The following NACAD variants were observed in gnomAD, a reference collection of about 807,000 sequenced individuals.
NACAD encodes the protein NAC-alpha domain-containing protein 1.
Under a neutral mutation model 98.9 loss-of-function variants are expected in NACAD, and 47 were observed. That is an observed-to-expected ratio of 0.48 (90% CI 0.38 to 0.61). NACAD has a LOEUF of 0.61. NACAD is among the 20% of genes least tolerant of loss of function. The probability of loss-of-function intolerance (pLI) is 0.00; values close to 1 mark genes in which losing one functional copy is unlikely to be tolerated. For missense variants in NACAD, 1,412 were observed against 1,748.2 expected (o/e 0.81, Z 3.43); for synonymous variants, 696 against 767.2 (o/e 0.91, Z 1.53).
At position 45,084,513 on chromosome 7, in the gene NACAD, G is replaced by A. The variant is rs1426863162; in HGVS notation, c.1667C>T (p.Thr556Ile). ...LPTPQEETSL[T>I]LCPDSPQNLK... ...GTTCTGAGGAGAGTCTGGACACAAT[G>A]TGAGGCTTGTTTCTTCCTGTGGAGT... The change falls in exon 2 of 8, where the codon ACA becomes ATA. Residue 556 changes from threonine to isoleucine, a missense_variant. Around this residue, in one of 5 missense-constraint regions of NACAD, gnomAD observed 638 missense variants for 722.7 expected, o/e 0.88. Transcript: ENST00000490531. The A allele has an allele frequency of 1.5e-5, 24 of 1,552,332 alleles. No individual in the cohort carries two copies. The highest frequency in any genetic ancestry group is 2.0e-5 in the Admixed American group (1 of 51,024).
intron 1 of NACAD, among the ~76,000 whole-genome samples, chr7:45,087,290 T>G (rs1784535606): frequency 1.3e-5 from 2 of 152,226 alleles, no homozygotes. Flanking sequence ...CAACCTAATC[T>G]CATAAGCATT....
In NACAD at chr7:45,082,185, G is replaced by A. The variant is rs1383469460; in HGVS notation, c.3995C>T (p.Ser1332Phe). The A allele has an allele frequency of 6.6e-7, 1 of 1,525,256 alleles. No homozygotes were observed. Among genetic ancestry groups the A allele is most frequent in the African/African-American group, 1.4e-5 (1 of 72,442 alleles). The allele number at this position is 1,525,256 out of a possible 1,614,324, so 94.5% of individuals were successfully genotyped here. A position where few individuals can be genotyped will look rare whatever the true frequency, so the allele number is the denominator to read the frequency against. The change falls in exon 2 of 8, where the codon TCT becomes TTT. Residue 1332 changes from serine (S) to phenylalanine (F), a missense_variant. Around this residue, in one of 5 missense-constraint regions of NACAD, gnomAD observed 572 missense variants for 639.6 expected, o/e 0.89. Coordinates refer to ENST00000490531, the MANE Select transcript of NACAD (RefSeq NM_001146334.2). This position sits in a 1 kb window ranked among gnomAD's most constrained non-coding sequence, Gnocchi z 4.5. The part of the protein sequence containing the change: ...ILPPCQVPPP[S>F]GPQSPAGPQG... ...AGGGCCAGCTGGGCTCTGGGGCCCA[G>A]AGGGAGGAGGCACTTGGCAAGGCGG...
chr7:45,085,235 G>A lies in NACAD; in HGVS notation c.945C>T (p.Gly315=). 6.4e-7 allele frequency: 1 copy of A among 1,551,484 alleles called. No homozygotes were observed. Among genetic ancestry groups the A allele is most frequent in the Non-Finnish European group, 8.7e-7 (1 of 1,146,954 alleles). ...MIPAALLPFQ[G]SLIFQVEAVE... ...CTGCCTCCACCTGAAAGATGAGGCT[G>A]CCCTGGAAGGGTAGGAGGGCTGCGG... is the stretch of plus-strand genomic sequence containing the variant. Residue 315 remains glycine (G), a synonymous_variant, in exon 2 of 8, where the codon GGC becomes GGT. Coordinates refer to ENST00000490531, the MANE Select transcript of NACAD (RefSeq NM_001146334.2). The surrounding 1 kb of genome is among the most constrained non-coding windows in gnomAD (Gnocchi z 6.1).
Position 45,081,107 on chromosome 7 carries a change from C to T in NACAD, c.4404+10G>A. The T allele has an allele frequency of 6.4e-7, 1 of 1,551,378 alleles. No homozygotes were observed. Among genetic ancestry groups the T allele is most frequent in the Non-Finnish European group, 8.7e-7 (1 of 1,146,936 alleles). On this transcript the variant is annotated intron_variant, in intron 5 of 7. Transcript: ENST00000490531. ...CGGATCCCCCATTCCACCACAGCCG[C>T]CACCCAGACCTTGGCCTCGCCAAAG...
At position 45,085,838 on chromosome 7, in the gene NACAD, G is replaced by A; in HGVS notation, c.342C>T (p.Thr114=). The change falls in exon 2 of 8, where the codon ACC becomes ACT. Residue 114 remains threonine (T), a synonymous_variant. Coordinates refer to ENST00000490531, the MANE Select transcript of NACAD (RefSeq NM_001146334.2). The surrounding 1 kb of genome is among the most constrained non-coding windows in gnomAD (Gnocchi z 6.1). ...ALSTEAPLPA[T]LEPRIVMGEE... ...CTCCCATCACAATCCGGGGCTCCAGGGTGGCCGGGAGAGGAGCCTCCGTGG... is the reference window on the plus strand; with the variant it reads ...CTCCCATCACAATCCGGGGCTCCAGAGTGGCCGGGAGAGGAGCCTCCGTGG... 6.5e-7 allele frequency: 1 copy of A among 1,542,306 alleles called. No homozygotes were observed. The highest frequency in any genetic ancestry group is 8.7e-7 in the Non-Finnish European group (1 of 1,143,070).
Position 45,084,467 on chromosome 7 carries a change from C to A in NACAD, c.1713G>T (p.Leu571=). Residue 571 remains leucine, a synonymous_variant, in exon 2 of 8, where the codon CTG becomes CTT. Coordinates refer to ENST00000490531, the MANE Select transcript of NACAD (RefSeq NM_001146334.2). ...SPQNLKEEGG[L]DLPSGRKPVA... is the part of the protein sequence containing the mutation. ...CAGGCTTTCTGCCAGAGGGGAGGTC[C>A]AGCCCTCCTTCTTCCTTCAAGTTCT... 2 of 1,552,036 alleles carry A rather than the reference C, an allele frequency of 1.3e-6. No individual in the cohort carries two copies. The highest frequency in any genetic ancestry group is 8.7e-7 in the Non-Finnish European group (1 of 1,147,068).
rs1784503574 is a variant in NACAD, at chr7:45,085,417, G to C, written c.763C>G (p.Pro255Ala). ...LDFPSGWGLS[P>A]QGSMVDEREL... is the part of the protein sequence containing the mutation. ...CGTTCATCCACCATGGACCCCTGCG[G>C]GGACAGGCCCCAGCCTGAGGGGAAG... The change falls in exon 2 of 8, where the codon CCG (proline) becomes GCG (alanine). Residue 255 changes from proline to alanine, a missense_variant. Pro to Ala is a conservative substitution (Grantham distance 27). Coordinates refer to ENST00000490531, the MANE Select transcript of NACAD (RefSeq NM_001146334.2). The surrounding 1 kb of genome is among the most constrained non-coding windows in gnomAD (Gnocchi z 6.1). 1.3e-6 allele frequency: 2 copies of C among 1,547,628 alleles called. No individual in the cohort carries two copies. Among genetic ancestry groups the C allele is most frequent in the East Asian group, 4.9e-5 (2 of 40,870 alleles).
At chr7:45,081,726 A>G in intron 3 of NACAD, 29 bp downstream of exon 3, 1 of 1,550,890 alleles carries the variant, frequency 6.4e-7, no homozygotes, top group Non-Finnish European at 8.7e-7. Context: ...GCCCTCCCAG[A>G]GGCCCACCCT....
Position 45,084,565 on chromosome 7 carries a change from C to T in NACAD, c.1615G>A (p.Glu539Lys). 1 of 1,552,100 alleles carries T rather than the reference C, an allele frequency of 6.4e-7. No homozygotes were observed. Among genetic ancestry groups the T allele is most frequent in the Non-Finnish European group, 8.7e-7 (1 of 1,147,086 alleles). Residue 539 changes from glutamate to lysine, a missense_variant, in exon 2 of 8, where the codon GAG becomes AAG. By Grantham distance (56) the Glu-to-Lys change is moderately conservative. This residue lies in a region of NACAD where 638 missense variants were observed against 722.7 expected (regional missense o/e 0.88). Transcript: ENST00000490531. ...GGAAGTTTTTCTGCAGTGACAGACT[C>T]TTGGCCTAAGATCTCGCTGATGCCC... is the stretch of plus-strand genomic sequence containing the variant. ...QEGISEILGQESVTAEKLPTP... is the reference protein window; with the variant it reads ...QEGISEILGQKSVTAEKLPTP...
At position 45,088,903 on chromosome 7, in the gene NACAD, C is replaced by T. The variant is rs1310854853; in HGVS notation, c.-9G>A. 3 of 1,419,570 alleles carry T rather than the reference C, an allele frequency of 2.1e-6. No individual in the cohort carries two copies. Among genetic ancestry groups the T allele is most frequent in the Non-Finnish European group, 2.8e-6 (3 of 1,087,946 alleles). 87.9% of individuals were successfully genotyped at this position (1,419,570 alleles called of 1,614,324 possible). On this transcript the variant is annotated 5_prime_UTR_variant, in exon 1 of 8. Coordinates refer to ENST00000490531, the MANE Select transcript of NACAD (RefSeq NM_001146334.2). This position sits in a 1 kb window ranked among gnomAD's most constrained non-coding sequence, Gnocchi z 5.7. ...GCAGCCTCCCCAGGCATGGCCTGGCCGTGCGCCCGCCCGTCCCTCAGTCCT... is the reference window on the plus strand; with the variant it reads ...GCAGCCTCCCCAGGCATGGCCTGGCTGTGCGCCCGCCCGTCCCTCAGTCCT...
Position 45,088,723 on chromosome 7 carries a change from G to T in NACAD, c.67+105C>A. On this transcript the variant is annotated intron_variant, in intron 1 of 7. Transcript: ENST00000490531. The surrounding 1 kb of genome is among the most constrained non-coding windows in gnomAD (Gnocchi z 5.7). ...GCGGAAAGGGGAGGGGACTCGAGGG[G>T]GGCCAGGGGGATGGGGGAGAGGGGT... is the stretch of plus-strand genomic sequence containing the variant. 1.0e-6 allele frequency: 1 copy of T among 966,574 alleles called. No individual in the cohort carries two copies. The highest frequency in any genetic ancestry group is 1.4e-6 in the Non-Finnish European group (1 of 707,964). The allele number at this position is 966,574 out of a possible 1,614,324, so 59.9% of individuals were successfully genotyped here. A position where few individuals can be genotyped will look rare whatever the true frequency, so the allele number is the denominator to read the frequency against.
In NACAD at chr7:45,080,674, C is replaced by T. The variant is rs1784414460; in HGVS notation, c.4640G>A (p.Arg1547Lys). Residue 1547 changes from arginine (R) to lysine (K), a missense_variant, in exon 7 of 8, where the codon AGA becomes AAA. Arg to Lys is a conservative substitution (Grantham distance 26, BLOSUM62 2). Coordinates refer to ENST00000490531, the MANE Select transcript of NACAD (RefSeq NM_001146334.2). ...VSRAKAVRAL[R>K]DNHSDIVNAI... The stretch of plus-strand genomic sequence containing the variant: ...GTTGACGATGTCACTGTGGTTGTCT[C>T]TCAGAGCCCGCACGGCCTTGGCCCT... The T allele has an allele frequency of 1.9e-6, 3 of 1,551,308 alleles. No homozygotes were observed. Among genetic ancestry groups the T allele is most frequent in the East Asian group, 2.4e-5 (1 of 40,918 alleles).
At chr7:45,086,244 A>G in intron 1 of NACAD, 132 bp from the exon 2 acceptor site, 1 of 993,134 alleles carries the variant, frequency 1.0e-6, no homozygotes, top group African/African-American at 1.6e-5. Context: ...GAGAAAAGAG[A>G]AGACCCTCTG....
In NACAD at chr7:45,085,395, T is replaced by C; in HGVS notation, c.785A>G (p.Glu262Gly). 1 of 1,547,662 alleles carries C rather than the reference T, an allele frequency of 6.5e-7. No individual in the cohort carries two copies. The highest frequency in any genetic ancestry group is 8.7e-7 in the Non-Finnish European group (1 of 1,145,186). ...GLSPQGSMVD[E>G]RELHPAGTPE... ...GGTCCCTGCTGGGTGCAGCTCTCGT[T>C]CATCCACCATGGACCCCTGCGGGGA... Residue 262 changes from glutamate to glycine, a missense_variant, in exon 2 of 8, where the codon GAA (glutamate) becomes GGA (glycine). Physicochemically the swap from Glu to Gly is moderately conservative, Grantham distance 98. This residue lies in a region of NACAD where 638 missense variants were observed against 722.7 expected (regional missense o/e 0.88). Coordinates refer to ENST00000490531, the MANE Select transcript of NACAD (RefSeq NM_001146334.2). The surrounding 1 kb of genome is among the most constrained non-coding windows in gnomAD (Gnocchi z 6.1).
Position 45,082,496 on chromosome 7 carries a change from G to A in NACAD, c.3684C>T (p.Asp1228=), listed in dbSNP as rs952278302. ...CAGCAAGGGTACCAGGAGCAGAAGG[G>A]TCAGGGCCCAGGGGCCTGTCCACGG... The part of the protein sequence containing the change: ...STPVDRPLGP[D]PSAPGTLAGA... Residue 1228 remains aspartate, a synonymous_variant, in exon 2 of 8, where the codon GAC becomes GAT. Coordinates refer to ENST00000490531, the MANE Select transcript of NACAD (RefSeq NM_001146334.2). The surrounding 1 kb of genome is among the most constrained non-coding windows in gnomAD (Gnocchi z 4.5). 1.9e-6 allele frequency: 3 copies of A among 1,549,572 alleles called. No individual in the cohort carries two copies. The highest frequency in any genetic ancestry group is 2.6e-6 in the Non-Finnish European group (3 of 1,146,888).
Position 45,085,175 on chromosome 7 carries a change from T to C in NACAD, c.1005A>G (p.Glu335=), listed in dbSNP as rs866950529. The C allele has an allele frequency of 5.2e-6, 8 of 1,550,670 alleles. No individual in the cohort carries two copies. The East Asian group carries it at 2.0e-4, about 38-fold the overall frequency. ...GGTCGGGATCCGCCACAGCCTCCTC[T>C]TCTTCTTCCTCTGGGGATAGCGGTG... ...EVTPLSPEEE[E]EEAVADPDPG... The change falls in exon 2 of 8, where the codon GAA becomes GAG. Residue 335 remains glutamate, a synonymous_variant. Transcript: ENST00000490531. The surrounding 1 kb of genome is among the most constrained non-coding windows in gnomAD (Gnocchi z 6.1).
At chr7:45,086,259 CTGCGTT>C (rs1784521703) in intron 1 of NACAD, 147 bp from the exon 2 acceptor site, 1 of 876,998 alleles carries the variant, frequency 1.1e-6, no homozygotes. Context: ...CCTCTGCACG[CTGCGTT>C]TGAGGGAGAA....
chr7:45,085,787 T>C lies in NACAD; in HGVS notation c.393A>G (p.Ser131=). 1 of 1,543,578 alleles carries C rather than the reference T, an allele frequency of 6.5e-7. No individual in the cohort carries two copies. The highest frequency in any genetic ancestry group is 8.7e-7 in the Non-Finnish European group (1 of 1,143,402). Residue 131 remains serine, a synonymous_variant, in exon 2 of 8, where the codon TCA becomes TCG. Coordinates refer to ENST00000490531, the MANE Select transcript of NACAD (RefSeq NM_001146334.2). The surrounding 1 kb of genome is among the most constrained non-coding windows in gnomAD (Gnocchi z 6.1). ...TGAGCGCTGTCCGGGCAGCTCTGGGTGACAGGAGGGCCTGGCACGTCTCCT... is the reference window on the plus strand; with the variant it reads ...TGAGCGCTGTCCGGGCAGCTCTGGGCGACAGGAGGGCCTGGCACGTCTCCT... ...MGEETCQALL[S]PRAARTALRD... is the part of the protein sequence containing the mutation.
Position 45,080,515 on chromosome 7 carries a change from G to C in NACAD, c.4683C>G (p.Thr1561=), listed in dbSNP as rs1784412182. The change falls in exon 8 of 8, where the codon ACC becomes ACG. Residue 1561 remains threonine, a synonymous_variant. Transcript: ENST00000490531. ...TCCAGCTTCCGGTCAGTGGCTACAT[G>C]GTCAGTTCCTGCAGAAAGAGATGGT... ...SDIVNAIMEL[T]M is the part of the protein sequence containing the mutation. 6 of 1,551,300 alleles carry C rather than the reference G, an allele frequency of 3.9e-6. No homozygotes were observed. In the South Asian group the frequency reaches 7.1e-5, roughly 18 times the overall value.
Sources: gnomAD v4.1 joint callset for allele counts (sites outside exome capture counted in the v4.1 genomes callset) on GRCh38, gnomAD v4.1.1 for gene constraint, gnomAD v4.1.1 regional missense constraint, Gnocchi (gnomAD v3.1) non-coding constraint, MANE v1.5 for transcripts, NCBI Gene and HGNC (gene_info 2026-07-23, HGNC 2026-07-21) for gene names.